The following CSMD1 variants were observed in gnomAD, a reference collection of about 807,000 sequenced individuals.
The protein encoded by CSMD1 is CUB and sushi domain-containing protein 1.
In CSMD1, 213 loss-of-function variants were observed where a neutral mutation model predicts 417.5. The observed-to-expected ratio is 0.51, with a 90% CI of 0.46 to 0.57. The LOEUF (loss-of-function observed/expected upper bound fraction) is 0.57. Ranked by LOEUF, CSMD1 falls within the 20% of genes least tolerant of loss-of-function variation. The probability of loss-of-function intolerance (pLI) is 0.00; values close to 1 mark genes in which losing one functional copy is unlikely to be tolerated. For synonymous variants in CSMD1, 2,862 were observed against 1,736.8 expected (o/e 1.65, Z -16.11); for missense variants, 6,923 against 4,529.7 (o/e 1.53, Z -15.17).
chr8:4,408,115 A>C (rs1796434170), intron 3 of CSMD1, among the ~76,000 whole-genome samples: 1 of 152,196 alleles, frequency 6.6e-6, no homozygotes, highest in African/African-American at 2.4e-5. Flanking sequence ...GCCTGAATGG[A>C]AAAACAAAAT....
intron 3 of CSMD1, among the ~76,000 whole-genome samples, chr8:4,373,150 G>T (rs117650124): frequency 6.6e-6 from 1 of 152,248 alleles, no homozygotes; most frequent in African/African-American, 2.4e-5. Context: ...TCCCTAGGGA[G>T]GAGCAACCCA....
chr8:4,059,154 A>T (rs962163838), intron 3 of CSMD1, among the ~76,000 whole-genome samples: 4 of 152,218 alleles, frequency 2.6e-5, no homozygotes, highest in African/African-American at 9.6e-5. Flanking sequence ...AGAACCGCTT[A>T]ACTACACAGA....
intron 53 of CSMD1, among the ~76,000 whole-genome samples, chr8:2,998,506 G>T (rs561639946): frequency 2.4e-4 from 36 of 152,298 alleles, no homozygotes; most frequent in African/African-American, 8.7e-4. Context: ...TGAAAAACAA[G>T]AGATGCTAAA....
At chr8:3,616,245 T>C (rs1034907678) in intron 8 of CSMD1, among the ~76,000 whole-genome samples, 1 of 152,190 alleles carries the variant, frequency 6.6e-6, no homozygotes, top group Non-Finnish European at 1.5e-5. Flanking sequence ...AATTGAATCA[T>C]GGGGTCAGTT....
intron 2 of CSMD1, among the ~76,000 whole-genome samples, chr8:4,427,233 G>C (rs147316724): frequency 1.3e-5 from 2 of 152,120 alleles, no homozygotes; most frequent in African/African-American, 4.8e-5. Context: ...GGCACACGCC[G>C]TGCCCTGAAT....
chr8:3,467,496 T>C (rs555556088), intron 12 of CSMD1, among the ~76,000 whole-genome samples: 2 of 152,356 alleles, frequency 1.3e-5, no homozygotes, highest in South Asian at 4.1e-4. Flanking sequence ...AGCAGTTGCC[T>C]CTGCATTCTA....
intron 10 of CSMD1, among the ~76,000 whole-genome samples, chr8:3,540,925 T>C (rs1381840606): frequency 3.3e-5 from 5 of 152,338 alleles, no homozygotes; most frequent in South Asian, 4.1e-4. Flanking sequence ...TTTTACACTG[T>C]TGGTGGGAAT....
At chr8:3,448,823 A>G (rs1436049698) in intron 12 of CSMD1, among the ~76,000 whole-genome samples, 2 of 152,238 alleles carry the variant, frequency 1.3e-5, no homozygotes, top group Admixed American at 1.3e-4. Flanking sequence ...TAAATGACAC[A>G]ACTTCATGGA....
In CSMD1 at chr8:3,795,297, G is replaced by C. The variant is rs1214051480; in HGVS notation, c.819-41255C>G. On this transcript the variant is annotated intron_variant, in intron 5 of 69. Transcript: ENST00000635120. ...TGTACAGATATATATATCATGTACA[G>C]ATATATATATCTATCATGTACAGAT... Among the ~76,000 whole-genome samples the C allele has an allele frequency of 3.3e-5, 2 of 60,356 alleles. 1 individual carries two copies. Among genetic ancestry groups the C allele is most frequent in the Non-Finnish European group, 6.4e-5 (2 of 31,246 alleles). 39.6% of individuals were successfully genotyped at this position (60,356 alleles called of 152,430 possible). A position where few individuals can be genotyped will look rare whatever the true frequency, so the allele number is the denominator to read the frequency against.
chr8:4,082,317 T>G (rs1423570800), intron 3 of CSMD1, among the ~76,000 whole-genome samples: 1 of 152,146 alleles, frequency 6.6e-6, no homozygotes, highest in Non-Finnish European at 1.5e-5. Flanking sequence ...ATTTAATATT[T>G]GATATTACAA....
At chr8:4,419,402 G>A (rs138821424) in intron 3 of CSMD1, among the ~76,000 whole-genome samples, 8 of 152,202 alleles carry the variant, frequency 5.3e-5, no homozygotes, top group African/African-American at 1.2e-4. Flanking sequence ...GCCAAAAGCC[G>A]TTTTAATAAT....
rs768189931 is a variant in CSMD1 at position 2,974,646 on chromosome 8, A to G, written c.8567-22T>C. 1.1e-5 allele frequency: 17 copies of G among 1,538,706 alleles called. No homozygotes were observed. The Admixed American group carries it at 2.5e-4, about 23-fold the overall frequency. On this transcript the variant is annotated intron_variant, in intron 55 of 69. Transcript: ENST00000635120. ...ATAGCTTCAGAAAAAAGATAAAACA[A>G]TTGAGTACATCCTTCCAGTTAAACC... is the stretch of plus-strand genomic sequence containing the variant.
chr8:3,026,689 TG>T (rs567703649), intron 51 of CSMD1, among the ~76,000 whole-genome samples: 124 of 152,320 alleles, frequency 8.1e-4, no homozygotes, highest in South Asian at 4.1e-3. Flanking sequence ...CCAGCCAAAA[TG>T]TGCCAGGTAT....
At chr8:4,801,516 A>T (rs28737227) in intron 1 of CSMD1, among the ~76,000 whole-genome samples, 2 of 152,092 alleles carry the variant, frequency 1.3e-5, no homozygotes, top group East Asian at 3.9e-4. Context: ...GTCATTTTGA[A>T]GGGCAGCAGT....
intron 3 of CSMD1, among the ~76,000 whole-genome samples, chr8:4,389,884 CAT>C (rs1803726362): frequency 6.6e-6 from 1 of 152,140 alleles, no homozygotes; most frequent in African/African-American, 2.4e-5. Flanking sequence ...TACTAACAAA[CAT>C]GTGGGTTGTT....
intron 5 of CSMD1, among the ~76,000 whole-genome samples, chr8:3,929,256 A>G (rs1809970202): frequency 6.6e-6 from 1 of 150,692 alleles, no homozygotes; most frequent in Non-Finnish European, 1.5e-5. Context: ...ACATATGGAC[A>G]GGATGATTTT....
intron 3 of CSMD1, among the ~76,000 whole-genome samples, chr8:4,307,760 C>G (rs1585201237): frequency 6.6e-6 from 1 of 152,270 alleles, no homozygotes; most frequent in South Asian, 2.1e-4. Flanking sequence ...GAGAGTTTAT[C>G]AAGGGTGGAA....
intron 4 of CSMD1, among the ~76,000 whole-genome samples, chr8:4,021,231 T>G (rs1796774379): frequency 6.6e-6 from 1 of 152,226 alleles, no homozygotes. Flanking sequence ...CTAGCATCTT[T>G]TGAAAATCAA....
At chr8:4,879,026 G>T (rs1347493704) in intron 1 of CSMD1, among the ~76,000 whole-genome samples, 3 of 151,946 alleles carry the variant, frequency 2.0e-5, no homozygotes, top group East Asian at 1.9e-4. Flanking sequence ...GATATTTGGG[G>T]TTTGAGAAAA....
Sources: allele counts gnomAD v4.1 joint callset (sites outside exome capture counted in the v4.1 genomes callset), GRCh38; gene constraint gnomAD v4.1.1; transcripts MANE v1.5; gene names NCBI Gene and HGNC (gene_info 2026-07-23, HGNC 2026-07-21).